RGPD1: variants seen among roughly 807,000 people sequenced by gnomAD.
RGPD1 encodes RANBP2-like and GRIP domain-containing protein 1.
Under a neutral mutation model 40.6 loss-of-function variants are expected in RGPD1, and 7 were observed. The ratio of observed to expected loss-of-function variants is 0.17; its 90% CI spans 0.10 to 0.32. The LOEUF is 0.32. Among genes scored for constraint, RGPD1 ranks in the 10% least tolerant of loss-of-function variants. RGPD1 has a pLI of 1.00. For synonymous variants in RGPD1, 24 were observed against 167.0 expected, an observed-to-expected ratio of 0.14 and a Z score of 6.60; for missense variants, 50 against 472.5, an observed-to-expected ratio of 0.11 and a Z score of 8.29.
intron 1 of RGPD1, among the ~76,000 whole-genome samples, chr2:86,931,863 G>C (rs1479369888): frequency 1.4e-3 from 206 of 148,474 alleles, no homozygotes; most frequent in Non-Finnish European, 2.5e-3. Context: ...ATATATCAGA[G>C]TTTGTAATTT....
At chr2:86,988,578 ACAGT>A (rs1248792278) in intron 20 of RGPD1, among the ~76,000 whole-genome samples, 2 of 71,562 alleles carry the variant, frequency 2.8e-5, no homozygotes, top group Non-Finnish European at 5.7e-5. Flanking sequence ...AATATGTAAG[ACAGT>A]CAGATTGGTG....
intron 2 of RGPD1, among the ~76,000 whole-genome samples, chr2:86,951,873 G>GTTTTTTTTT (rs71269535): frequency 1.2e-4 from 6 of 50,960 alleles, no homozygotes; most frequent in African/African-American, 7.6e-4. Context: ...GGGAGGCAGG[G>GTTTTTTTTT]TTTTTTTTTT....
chr2:86,942,276 T>G lies in RGPD1; in HGVS notation c.40T>G (p.Ser14Ala). The stretch of plus-strand genomic sequence containing the variant: ...GGCCTACGGGGAGCGGTACGTCGCC[T>G]CGGTGCAGGGCTCCGCCCCGTCGCC... The part of the protein sequence containing the change: ...SKAYGERYVA[S>A]VQGSAPSPGK... The change falls in exon 1 of 23, where the codon TCG becomes GCG. Residue 14 changes from serine (S) to alanine (A), a missense_variant. Transcript: ENST00000641458. 1 of 1,606,636 alleles carries G rather than the reference T, an allele frequency of 6.2e-7. No homozygotes were observed. Among genetic ancestry groups the G allele is most frequent in the South Asian group, 1.1e-5 (1 of 89,900 alleles).
At chr2:86,943,095 T>A (rs1680027702) in intron 1 of RGPD1, among the ~76,000 whole-genome samples, 1 of 151,494 alleles carries the variant, frequency 6.6e-6, no homozygotes, top group Non-Finnish European at 1.5e-5. Context: ...CAGTGGGGAC[T>A]GACGCAGCTC....
At chr2:87,007,382 G>T (rs879296023) in intron 22 of RGPD1, among the ~76,000 whole-genome samples, 709 of 150,478 alleles carry the variant, frequency 4.7e-3, no homozygotes, top group Non-Finnish European at 7.6e-3. Flanking sequence ...TTTGTTTTTT[G>T]GTTTTTTTGT....
At chr2:86,988,400 A>T (rs1222067465) in intron 20 of RGPD1, among the ~76,000 whole-genome samples, 1 of 103,410 alleles carries the variant, frequency 9.7e-6, no homozygotes, top group African/African-American at 3.5e-5. Context: ...AGCTGAAGTC[A>T]TGCCACTGCA....
At chr2:86,940,799 A>G (rs1679681201), upstream of RGPD1, among the ~76,000 whole-genome samples, 2 of 150,452 alleles carry the variant, frequency 1.3e-5, no homozygotes, top group South Asian at 4.2e-4. Flanking sequence ...TCTTCCTACT[A>G]GGCTATCCCC....
chr2:86,932,045 G>A (rs553491571), intron 1 of RGPD1, among the ~76,000 whole-genome samples: 14 of 146,164 alleles, frequency 9.6e-5, no homozygotes, highest in African/African-American at 3.2e-4. Flanking sequence ...TCATTTTATA[G>A]TTTAGGAAAC....
chr2:87,007,404 C>G (rs1573655535), intron 22 of RGPD1, among the ~76,000 whole-genome samples: 1 of 152,212 alleles, frequency 6.6e-6, no homozygotes, highest in South Asian at 2.1e-4. Flanking sequence ...TGTTTTGAGA[C>G]AGTCTCGCTG....
At chr2:86,942,762 C>G (rs927829734) in intron 1 of RGPD1, among the ~76,000 whole-genome samples, 1 of 151,412 alleles carries the variant, frequency 6.6e-6, no homozygotes, top group African/African-American at 2.4e-5. Context: ...GCGCTGCTCC[C>G]TGGCGCGCTC....
intron 1 of RGPD1, chr2:86,930,470 C>T: frequency 6.8e-7 from 1 of 1,463,728 alleles, no homozygotes; most frequent in Middle Eastern, 2.1e-4. Context: ...GATAAGCCAA[C>T]AAGTTGATTT....
At chr2:86,945,051 AAAAG>A (rs1426322232) in intron 1 of RGPD1, among the ~76,000 whole-genome samples, 2 of 152,032 alleles carry the variant, frequency 1.3e-5, no homozygotes, top group African/African-American at 4.8e-5. Flanking sequence ...TAAAAAAAAA[AAAAG>A]CATGTTTAGA....
chr2:86,914,203 TGGCCGGGCGGCGGCGG>T (rs1677618364), intron 1 of RGPD1, among the ~76,000 whole-genome samples: 1 of 31,426 alleles, frequency 3.2e-5, no homozygotes, highest in Non-Finnish European at 6.8e-5. Context: ...GGCCTCGGCC[TGGCCGGGCGGCGGCGG>T]CGGCCTCGGC....
intron 1 of RGPD1, among the ~76,000 whole-genome samples, chr2:86,943,353 G>A (rs916848852): frequency 8.8e-5 from 12 of 136,280 alleles, no homozygotes; most frequent in African/African-American, 1.1e-4. Context: ...CTTACAAATC[G>A]TTAGTATGGC....
At chr2:86,942,466 C>CCGGCCTCGACCTGGCCGGCCGGCGGCGG (rs1679900827) in intron 1 of RGPD1, among the ~76,000 whole-genome samples, 158 bp downstream of exon 1, 1 of 53,612 alleles carries the variant, frequency 1.9e-5, no homozygotes, top group African/African-American at 5.2e-5. Flanking sequence ...TGTTGAGGCG[C>CCGGCCTCGACCTGGCCGGCCGGCGGCGG]CGGCCTCGAC....
At chr2:86,914,121 CGGCCT>C (rs1247697674) in intron 1 of RGPD1, among the ~76,000 whole-genome samples, 6 of 87,062 alleles carry the variant, frequency 6.9e-5, no homozygotes, top group Non-Finnish European at 1.1e-4. Flanking sequence ...GCCTCGGCCC[CGGCCT>C]GGCCGGGCGG....
intron 1 of RGPD1, among the ~76,000 whole-genome samples, chr2:86,945,183 G>T (rs571409769): frequency 6.6e-6 from 1 of 152,186 alleles, no homozygotes; most frequent in African/African-American, 2.4e-5. Flanking sequence ...AAAGTGGAGT[G>T]GTAGCAACAT....
Position 86,913,998 on chromosome 2 carries a change from GCCT to G in RGPD1, c.72+79_72+81del, listed in dbSNP as rs1433146132. On this transcript the variant is annotated intron_variant, in intron 1 of 22. Coordinates refer to the RGPD1 transcript ENST00000398193. Reference sequence around the variant, plus strand: ...TCGACCTGGCCGGGCGGCGGCGGCGGCCTCGGCCTCGGCCTGGCCGGGCGGCGG... The same window carrying G: ...TCGACCTGGCCGGGCGGCGGCGGCGGCGGCCTCGGCCTGGCCGGGCGGCGG... 6.9e-5 allele frequency: 49 copies of G among 712,382 alleles called. 1 individual carries two copies. The African/African-American group carries it at 1.1e-3, about 16-fold the overall frequency. The allele number at this position is 712,382 out of a possible 1,614,324, so 44.1% of individuals were successfully genotyped here.
chr2:87,003,209 CTG>C (rs1399325521), intron 22 of RGPD1: 3 of 134,414 alleles, frequency 2.2e-5, no homozygotes, highest in African/African-American at 6.0e-5. Flanking sequence ...CCCACAGAAA[CTG>C]TGAAATAAAT....
Sources: allele counts gnomAD v4.1 joint callset (sites outside exome capture counted in the v4.1 genomes callset), GRCh38; gene constraint gnomAD v4.1.1; transcripts MANE v1.5; gene names NCBI Gene and HGNC (gene_info 2026-07-23, HGNC 2026-07-21).